Variants in RYR3 observed in about 807,000 individuals in gnomAD.
RYR3 encodes the protein brain ryanodine receptor-calcium release channel.
A neutral mutation model predicts 584.3 loss-of-function variants in RYR3; 207 were observed. The ratio of observed to expected loss-of-function variants is 0.35; its 90% CI spans 0.32 to 0.40. The LOEUF (loss-of-function observed/expected upper bound fraction) is 0.40, where lower values mean the gene tolerates loss of function less well. RYR3 is among the 10% of genes least tolerant of loss of function. The pLI is 1.00. For missense variants in RYR3, 5,616 were observed against 6,089.2 expected, an observed-to-expected ratio of 0.92 and a Z score of 2.59; for synonymous variants, 2,416 against 2,248.5, an observed-to-expected ratio of 1.07 and a Z score of -2.11.
chr15:33,857,861 A>C lies in RYR3; in HGVS notation c.14089A>C (p.Asn4697His). Reference sequence around the variant, plus strand: ...TTTCAACTTCTTCCGCAAGTTCTACAACAAAAGCGAAGACGATGACGAGCC... The same window carrying C: ...TTTCAACTTCTTCCGCAAGTTCTACCACAAAAGCGAAGACGATGACGAGCC... ...VAFNFFRKFY[N>H]KSEDDDEPDM... Residue 4697 changes from asparagine (N) to histidine (H), a missense_variant, in exon 99 of 104, where the codon AAC becomes CAC. Physicochemically the swap from Asn to His is moderately conservative, Grantham distance 68. Around this residue, in one of 9 missense-constraint regions of RYR3, gnomAD observed 918 missense variants for 887.4 expected, o/e 1.03. Transcript: ENST00000634891. The C allele has an allele frequency of 6.2e-7, 1 of 1,614,232 alleles. No individual in the cohort carries two copies. Among genetic ancestry groups the C allele is most frequent in the Non-Finnish European group, 8.5e-7 (1 of 1,180,046 alleles).
chr15:33,561,559 G>T (rs1320693457), intron 10 of RYR3, among the ~76,000 whole-genome samples: 1 of 152,128 alleles, frequency 6.6e-6, no homozygotes, highest in Non-Finnish European at 1.5e-5. Flanking sequence ...AAAGAACTTA[G>T]AACATTGTAC....
chr15:33,706,070 C>T (rs2066692578), intron 42 of RYR3, among the ~76,000 whole-genome samples: 1 of 152,106 alleles, frequency 6.6e-6, no homozygotes, highest in Non-Finnish European at 1.5e-5. Flanking sequence ...ATTGGAGGCT[C>T]TTTCTAGCCT....
At chr15:33,807,620 C>G in intron 70 of RYR3, 51 bp downstream of exon 70, 2 of 1,531,026 alleles carry the variant, frequency 1.3e-6, no homozygotes, top group Non-Finnish European at 8.9e-7. Flanking sequence ...TTAGAGGTGC[C>G]GGGCTCTGGC....
chr15:33,644,320 C>G lies in RYR3; in HGVS notation c.3566C>G (p.Pro1189Arg). The G allele has an allele frequency of 6.2e-7, 1 of 1,610,652 alleles. No homozygotes were observed. Among genetic ancestry groups the G allele is most frequent in the Non-Finnish European group, 8.5e-7 (1 of 1,178,500 alleles). ...ADYEIENGFV[P>R]ICCLGLSQIG... ...TCTAACTCTTCTGCAGGCTTCGTGC[C>G]CATCTGCTGTCTGGGTCTATCTCAG... The change falls in exon 28 of 104, where the codon CCC (proline) becomes CGC (arginine). Residue 1189 changes from proline (P) to arginine (R), a missense_variant. By Grantham distance (103) the Pro-to-Arg change is moderately radical. Transcript: ENST00000634891.
intron 20 of RYR3, among the ~76,000 whole-genome samples, chr15:33,625,230 G>A (rs1309476358): frequency 1.4e-4 from 1 of 7,040 alleles, no homozygotes; most frequent in Non-Finnish European, 2.4e-4. Context: ...CTATTATGAG[G>A]ACAGCAAGGG....
rs2061470416 is a variant in RYR3, at chr15:33,635,797, C to T, written c.3359C>T (p.Ala1120Val). ...GTCGAGCTGGGGGCCGATGACCAAG[C>T]CTTTGTGTTTGAAGGCAACAGGGTG... ...PDVELGADDQAFVFEGNRGQR... is the reference protein window; with the variant it reads ...PDVELGADDQVFVFEGNRGQR... The change falls in exon 26 of 104, where the codon GCC becomes GTC. Residue 1120 changes from alanine (A) to valine (V), a missense_variant. Ala to Val is a moderately conservative substitution (Grantham distance 64). This residue lies in a region of RYR3 where 152 missense variants were observed against 200.9 expected (regional missense o/e 0.76). Transcript: ENST00000634891. 6.2e-7 allele frequency: 1 copy of T among 1,612,988 alleles called. No homozygotes were observed. The highest frequency in any genetic ancestry group is 8.5e-7 in the Non-Finnish European group (1 of 1,179,758).
intron 43 of RYR3, among the ~76,000 whole-genome samples, chr15:33,715,581 G>A (rs938515657): frequency 2.0e-5 from 3 of 152,128 alleles, no homozygotes; most frequent in Non-Finnish European, 4.4e-5. Context: ...TTATACTGCA[G>A]CAACAAAATA....
At chr15:33,339,851 T>G (rs573496901) in intron 1 of RYR3, among the ~76,000 whole-genome samples, 9 of 146,154 alleles carry the variant, frequency 6.2e-5, no homozygotes, top group Non-Finnish European at 1.2e-4. Flanking sequence ...ATAGCACCAC[T>G]GCACTCCAGC....
chr15:33,696,404 A>G lies in RYR3; in HGVS notation c.6047A>G (p.Asn2016Ser), dbSNP rs942844610. 2.5e-5 allele frequency: 40 copies of G among 1,613,858 alleles called. No individual in the cohort carries two copies. Among genetic ancestry groups the G allele is most frequent in the Middle Eastern group, 1.6e-4 (1 of 6,062 alleles). ...CACACCTCTGTAAGCGACACCATCA[A>G]CCTGCTGGCTGCCCTGGGCCAAATC... The part of the protein sequence containing the change: ...ISHTSVSDTI[N>S]LLAALGQIRS... Residue 2016 changes from asparagine to serine, a missense_variant, in exon 39 of 104, where the codon AAC (asparagine) becomes AGC (serine). Around this residue, in one of 9 missense-constraint regions of RYR3, gnomAD observed 1,280 missense variants for 1,426.2 expected, o/e 0.90. Coordinates refer to ENST00000634891, the MANE Select transcript of RYR3 (RefSeq NM_001036.6).
intron 12 of RYR3, among the ~76,000 whole-genome samples, chr15:33,577,860 A>G (rs1452822394): frequency 6.6e-6 from 1 of 152,222 alleles, no homozygotes; most frequent in Non-Finnish European, 1.5e-5. Context: ...AATTTTTGCA[A>G]TCTCTCCATC....
chr15:33,798,045 G>A (rs1394727090), intron 67 of RYR3, among the ~76,000 whole-genome samples: 4 of 151,862 alleles, frequency 2.6e-5, no homozygotes, highest in Admixed American at 2.6e-4. Context: ...GGCCAGTATT[G>A]TTCCTCGTTA....
At chr15:33,575,223 G>A (rs603657) in intron 12 of RYR3, among the ~76,000 whole-genome samples, 62,329 of 151,958 alleles carry the variant, frequency 0.41, 13,932 homozygotes, top group South Asian at 0.56. Flanking sequence ...CATTGAGACA[G>A]AAAATTAACA....
intron 23 of RYR3, among the ~76,000 whole-genome samples, 167 bp from the exon 24 acceptor site, chr15:33,632,782 A>C (rs923505020): frequency 2.6e-5 from 4 of 152,220 alleles, no homozygotes; most frequent in African/African-American, 2.4e-5. Context: ...TGGGGGCTTC[A>C]TCTATAGACT....
At position 33,634,599 on chromosome 15, in the gene RYR3, A is replaced by C; in HGVS notation, c.3041A>C (p.Lys1014Thr). 6.2e-7 allele frequency: 1 copy of C among 1,613,974 alleles called. No individual in the cohort carries two copies. The highest frequency in any genetic ancestry group is 8.5e-7 in the Non-Finnish European group (1 of 1,179,874). ...GGCGTCACATAGGATTTGAAGAACA[A>C]AAGAAATCCCCGTCTGGTGCCATAT... ...TYGIQQDLKN[K>T]RNPRLVPYAL... Residue 1014 changes from lysine to threonine, a missense_variant, in exon 25 of 104, where the codon AAA (lysine) becomes ACA (threonine). Lys to Thr is a moderately conservative substitution (Grantham distance 78, BLOSUM62 -1). Coordinates refer to ENST00000634891, the MANE Select transcript of RYR3 (RefSeq NM_001036.6).
At chr15:33,534,412 A>G (rs1002316876) in intron 5 of RYR3, among the ~76,000 whole-genome samples, 1 of 152,272 alleles carries the variant, frequency 6.6e-6, no homozygotes, top group Non-Finnish European at 1.5e-5. Flanking sequence ...GAAAGAAAAA[A>G]GTAGTAAAAC....
intron 1 of RYR3, among the ~76,000 whole-genome samples, chr15:33,414,766 G>T (rs1438071696): frequency 6.6e-6 from 1 of 152,012 alleles, no homozygotes; most frequent in Admixed American, 6.5e-5. Context: ...TAATTTTTTT[G>T]TATTTTTAGT....
In RYR3 at chr15:33,844,213, T is replaced by C. The variant is rs1410798564; in HGVS notation, c.13296+639T>C. 8.5e-5 allele frequency among the ~76,000 whole-genome samples: 13 copies of C among 152,198 alleles called. No individual in the cohort carries two copies. The East Asian group carries it at 2.5e-3, about 29-fold the overall frequency. On this transcript the variant is annotated intron_variant, in intron 92 of 103. Transcript: ENST00000634891. Reference sequence around the variant, plus strand: ...TGTTTTATCCACCTCAACTTTCCACTCGACAAACTAATGACCTTCTGTTGC... The same window carrying C: ...TGTTTTATCCACCTCAACTTTCCACCCGACAAACTAATGACCTTCTGTTGC...
At chr15:33,538,652 G>T (rs1244714795) in intron 5 of RYR3, among the ~76,000 whole-genome samples, 1 of 152,182 alleles carries the variant, frequency 6.6e-6, no homozygotes, top group East Asian at 1.9e-4. Context: ...CTTTCCACCA[G>T]TCCCGTTTTC....
At chr15:33,839,060 T>A in intron 89 of RYR3, 102 bp downstream of exon 89, 8 of 1,395,006 alleles carry the variant, frequency 5.7e-6, no homozygotes, top group Non-Finnish European at 7.7e-6. Flanking sequence ...GAGCCAACAC[T>A]CTATGTTAGA....
Sources: gnomAD v4.1 joint callset for allele counts (sites outside exome capture counted in the v4.1 genomes callset) on GRCh38, gnomAD v4.1.1 for gene constraint, gnomAD v4.1.1 regional missense constraint, MANE v1.5 for transcripts, NCBI Gene and HGNC (gene_info 2026-07-23, HGNC 2026-07-21) for gene names.